The following LPCAT1 variants were observed in gnomAD, a reference collection of about 807,000 sequenced individuals.
The protein encoded by LPCAT1 is 1-acylglycerol-3-phosphate O-acyltransferase.
In LPCAT1, 23 loss-of-function variants were observed where a neutral mutation model predicts 60.9. That is an observed-to-expected ratio of 0.38 (90% CI 0.27 to 0.53). The LOEUF (loss-of-function observed/expected upper bound fraction) is 0.53, where lower values mean the gene tolerates loss of function less well. LPCAT1 is among the 20% of genes least tolerant of loss of function. The pLI is 0.82. For synonymous variants in LPCAT1, 340 were observed against 301.1 expected (o/e 1.13, Z -1.34); for missense variants, 622 against 723.6 (o/e 0.86, Z 1.61).
chr5:1,498,900 T>TA (rs1735905435), intron 2 of LPCAT1, among the ~76,000 whole-genome samples: 1 of 151,968 alleles, frequency 6.6e-6, no homozygotes, highest in South Asian at 2.1e-4. Context: ...TGCACATACA[T>TA]ATGTATGCAC....
In LPCAT1 at chr5:1,481,329, C is replaced by T. The variant is rs934006291; in HGVS notation, c.727-353G>A. Among the ~76,000 whole-genome samples, 2 of 152,254 alleles carry T rather than the reference C, an allele frequency of 1.3e-5. No individual in the cohort carries two copies. Among genetic ancestry groups the T allele is most frequent in the African/African-American group, 2.4e-5 (1 of 41,472 alleles). On this transcript the variant is annotated intron_variant, in intron 6 of 13. Transcript: ENST00000283415. This position sits in a 1 kb window ranked among gnomAD's most constrained non-coding sequence, Gnocchi z 7.8. ...AAAGGGTCCTCCCTCCCTCCATGCTCTCCGCTTTCCTCACAGACCTGGGGA... is the reference window on the plus strand; with the variant it reads ...AAAGGGTCCTCCCTCCCTCCATGCTTTCCGCTTTCCTCACAGACCTGGGGA...
chr5:1,510,921 G>C (rs1736337302), intron 1 of LPCAT1: 1 of 152,412 alleles, frequency 6.6e-6, no homozygotes, highest in African/African-American at 2.4e-5. Flanking sequence ...TCTGGAGCAG[G>C]GGCCGCTCTC....
intron 2 of LPCAT1, among the ~76,000 whole-genome samples, chr5:1,499,464 C>T (rs943331587): frequency 6.6e-6 from 1 of 152,254 alleles, no homozygotes; most frequent in Non-Finnish European, 1.5e-5. Flanking sequence ...AACTGAAAGC[C>T]TGACTTTGAT....
chr5:1,509,524 G>A (rs758408740), intron 1 of LPCAT1, among the ~76,000 whole-genome samples: 2 of 152,132 alleles, frequency 1.3e-5, no homozygotes, highest in African/African-American at 2.4e-5. Context: ...CCCATCGGAC[G>A]GAGCCGGCAC....
At chr5:1,479,554 C>T in intron 8 of LPCAT1, 67 bp downstream of exon 8, 1 of 1,134,454 alleles carries the variant, frequency 8.8e-7, no homozygotes, top group Non-Finnish European at 1.3e-6. Flanking sequence ...TCTGGGCATC[C>T]TGGTGTAAGC....
Position 1,470,895 on chromosome 5 carries a change from C to A in LPCAT1, c.1209G>T (p.Glu403Asp). 1 of 1,613,414 alleles carries A rather than the reference C, an allele frequency of 6.2e-7. No homozygotes were observed. Among genetic ancestry groups the A allele is most frequent in the Non-Finnish European group, 8.5e-7 (1 of 1,180,000 alleles). Residue 403 changes from glutamate to aspartate, a missense_variant, in exon 12 of 14, where the codon GAG becomes GAT. This residue lies in a region of LPCAT1 where 288 missense variants were observed against 283.6 expected (regional missense o/e 1.02). Coordinates refer to ENST00000283415, the MANE Select transcript of LPCAT1 (RefSeq NM_024830.5). Reference sequence around the variant, plus strand: ...AGACGACAGACAGGGCAACCACACACTCTCGCAGGTCCACCTCGCCGCTGC... The same window carrying A: ...AGACGACAGACAGGGCAACCACACAATCTCGCAGGTCCACCTCGCCGCTGC... The part of the protein sequence containing the change: ...ESGSGEVDLR[E>D]CVVALSVVCR...
chr5:1,472,726 C>T (rs1443558339), intron 11 of LPCAT1, among the ~76,000 whole-genome samples: 4 of 152,230 alleles, frequency 2.6e-5, no homozygotes, highest in East Asian at 3.9e-4. Flanking sequence ...AGATGTGGCA[C>T]GGACACCAGG....
At position 1,474,671 on chromosome 5, in the gene LPCAT1, G is replaced by C. The variant is rs757797347; in HGVS notation, c.914C>G (p.Ser305Cys). The change falls in exon 10 of 14, where the codon TCC (serine) becomes TGC (cysteine). Residue 305 changes from serine (S) to cysteine (C), a missense_variant. By Grantham distance (112) the Ser-to-Cys change is moderately radical. Transcript: ENST00000283415. The stretch of plus-strand genomic sequence containing the variant: ...GTCCTCGAACGTGTAGTCAGTCACG[G>C]AGACACCCAAGGCCCTACAAGGAGG... The part of the protein sequence containing the change: ...RRVMAEALGV[S>C]VTDYTFEDCQ... 6.2e-7 allele frequency: 1 copy of C among 1,613,760 alleles called. No homozygotes were observed. Among genetic ancestry groups the C allele is most frequent in the Non-Finnish European group, 8.5e-7 (1 of 1,179,950 alleles).
intron 1 of LPCAT1, among the ~76,000 whole-genome samples, chr5:1,514,847 G>A (rs1447875943): frequency 6.6e-6 from 1 of 152,152 alleles, no homozygotes; most frequent in African/African-American, 2.4e-5. Context: ...ATACCAGCAC[G>A]CTTCCCATTC....
chr5:1,468,241 C>G (rs1369493036), intron 12 of LPCAT1, among the ~76,000 whole-genome samples: 2 of 152,248 alleles, frequency 1.3e-5, no homozygotes, highest in East Asian at 1.9e-4. Context: ...CCTCATCCCA[C>G]AGCGCTGCCG....
intron 11 of LPCAT1, among the ~76,000 whole-genome samples, chr5:1,471,775 G>A (rs1254497819): frequency 6.6e-6 from 1 of 151,480 alleles, no homozygotes; most frequent in Non-Finnish European, 1.5e-5. Flanking sequence ...ATAGGGGGGA[G>A]GACTCTGGCC....
At chr5:1,515,523 T>G (rs1188153269) in intron 1 of LPCAT1, among the ~76,000 whole-genome samples, 1 of 64,182 alleles carries the variant, frequency 1.6e-5, no homozygotes, top group African/African-American at 6.1e-5. Flanking sequence ...TGCCCCACAC[T>G]ACCCGCAGAT....
At chr5:1,506,485 T>C (rs1016160418) in intron 1 of LPCAT1, among the ~76,000 whole-genome samples, 2 of 152,088 alleles carry the variant, frequency 1.3e-5, no homozygotes, top group African/African-American at 2.4e-5. Context: ...TTGGGATCCC[T>C]CCATTCCTCA....
At chr5:1,510,449 TA>T (rs1281178949) in intron 1 of LPCAT1, among the ~76,000 whole-genome samples, 2 of 152,210 alleles carry the variant, frequency 1.3e-5, no homozygotes, top group East Asian at 1.9e-4. Context: ...GTGTGTTCAG[TA>T]ATTCCCTTTG....
chr5:1,523,051 C>A lies in LPCAT1; in HGVS notation c.135+659G>T, dbSNP rs549743976. 9.2e-5 allele frequency among the ~76,000 whole-genome samples: 14 copies of A among 152,364 alleles called. No individual in the cohort carries two copies. Among genetic ancestry groups the A allele is most frequent in the African/African-American group, 3.4e-4 (14 of 41,592 alleles). ...GGTCAGACCAGCCCCGAGAAAGCAT[C>A]CCTTACAACAGGAGCGAAGCATGCA... On this transcript the variant is annotated intron_variant, in intron 1 of 13. Transcript: ENST00000283415. This position sits in a 1 kb window ranked among gnomAD's most constrained non-coding sequence, Gnocchi z 7.1.
Position 1,502,886 on chromosome 5 carries a change from A to C in LPCAT1, c.136-1283T>G, listed in dbSNP as rs956973434. On this transcript the variant is annotated intron_variant, in intron 1 of 13. Transcript: ENST00000283415. The surrounding 1 kb of genome is among the most constrained non-coding windows in gnomAD (Gnocchi z 5.5). ...ACATGCCTGCCACATGTGTCATTTT[A>C]AATTTTCGAGTGGCCACATTTAAAG... 6.6e-6 allele frequency among the ~76,000 whole-genome samples: 1 copy of C among 152,114 alleles called. No homozygotes were observed. The highest frequency in any genetic ancestry group is 1.5e-5 in the Non-Finnish European group (1 of 68,010).
At chr5:1,490,545 C>T (rs1168600961) in intron 3 of LPCAT1, among the ~76,000 whole-genome samples, 1 of 152,222 alleles carries the variant, frequency 6.6e-6, no homozygotes, top group Non-Finnish European at 1.5e-5. Flanking sequence ...ATGCGGCCAG[C>T]ACTTTGTTCT....
chr5:1,483,660 A>G lies in LPCAT1; in HGVS notation c.668-174T>C, dbSNP rs1201414359. Among the ~76,000 whole-genome samples, 1 of 152,222 alleles carries G rather than the reference A, an allele frequency of 6.6e-6. No homozygotes were observed. The highest frequency in any genetic ancestry group is 2.4e-5 in the African/African-American group (1 of 41,466). ...ACATCTGTCCTGACCGTAAACACCC[A>G]GCGCCACAGCACGGATGGGCAGGAA... On this transcript the variant is annotated intron_variant, in intron 5 of 13. Transcript: ENST00000283415. The surrounding 1 kb of genome is among the most constrained non-coding windows in gnomAD (Gnocchi z 9.2).
At chr5:1,490,229 C>T (rs116377398) in intron 3 of LPCAT1, among the ~76,000 whole-genome samples, 4 of 152,330 alleles carry the variant, frequency 2.6e-5, no homozygotes, top group Non-Finnish European at 5.9e-5. Flanking sequence ...CTAGATTGGA[C>T]CCCGCCTTCC....
Sources: gnomAD v4.1 joint callset for allele counts (sites outside exome capture counted in the v4.1 genomes callset) on GRCh38, gnomAD v4.1.1 for gene constraint, gnomAD v4.1.1 regional missense constraint, Gnocchi (gnomAD v3.1) non-coding constraint, MANE v1.5 for transcripts, NCBI Gene and HGNC (gene_info 2026-07-23, HGNC 2026-07-21) for gene names.